Variants in SNX18 observed in about 807,000 individuals in gnomAD.
SNX18 encodes sorting nexin 18, also known as sorting nexin-18.
In SNX18, 35 loss-of-function variants were observed where a neutral mutation model predicts 48.7. The observed-to-expected ratio is 0.72, with a 90% CI of 0.55 to 0.95. The LOEUF (loss-of-function observed/expected upper bound fraction) is 0.95, where lower values mean the gene tolerates loss of function less well. Among genes scored for constraint, SNX18 ranks in the 40% least tolerant of loss-of-function variants. The probability of loss-of-function intolerance (pLI) is 0.00; values close to 1 mark genes in which losing one functional copy is unlikely to be tolerated. For missense variants in SNX18, 824 were observed against 871.0 expected (o/e 0.95, Z 0.68); for synonymous variants, 492 against 384.7 (o/e 1.28, Z -3.26).
the SNX18 span, among the ~76,000 whole-genome samples, chr5:54,608,020 T>C: frequency 1.1e-4 from 17 of 152,200 alleles, no homozygotes; most frequent in Non-Finnish European, 1.8e-4. Context: ...TTCCTTTCCC[T>C]GTGATTAAAT....
the SNX18 span, among the ~76,000 whole-genome samples, chr5:54,566,187 G>A: frequency 6.6e-6 from 1 of 152,060 alleles, no homozygotes; most frequent in Non-Finnish European, 1.5e-5. Context: ...TCTTTCACCA[G>A]GCTAATCTTC....
chr5:54,573,835 TGTAA>T, the SNX18 span, among the ~76,000 whole-genome samples: 1 of 152,210 alleles, frequency 6.6e-6, no homozygotes, highest in African/African-American at 2.4e-5. Flanking sequence ...TCAGTGCAGC[TGTAA>T]GTGACAGGCA....
the SNX18 span, among the ~76,000 whole-genome samples, chr5:54,619,435 A>G: frequency 1.3e-5 from 2 of 152,142 alleles, no homozygotes; most frequent in African/African-American, 4.8e-5. Context: ...TGCCTGAGCC[A>G]GGGGAGGTCG....
intron 1 of SNX18, among the ~76,000 whole-genome samples, chr5:54,539,740 C>T (rs1309096318): frequency 6.6e-6 from 1 of 152,084 alleles, no homozygotes; most frequent in Non-Finnish European, 1.5e-5. Context: ...TGGAGCCCAA[C>T]CTTTTGGGGA....
At chr5:54,554,331 C>A in the SNX18 span, among the ~76,000 whole-genome samples, 1 of 152,202 alleles carries the variant, frequency 6.6e-6, no homozygotes, top group South Asian at 2.1e-4. Flanking sequence ...CCCATTGAAT[C>A]AGAACGTGAA....
the SNX18 span, among the ~76,000 whole-genome samples, chr5:54,581,571 G>C: frequency 6.6e-6 from 1 of 152,112 alleles, no homozygotes; most frequent in Non-Finnish European, 1.5e-5. Context: ...GTCTACCCCT[G>C]CCTGCTCCCA....
At chr5:54,550,696 G>A (rs1762641125), downstream of SNX18, among the ~76,000 whole-genome samples, 1 of 152,122 alleles carries the variant, frequency 6.6e-6, no homozygotes, top group South Asian at 2.1e-4. Context: ...TGATTCTCAT[G>A]CCTTCAGCCT....
the SNX18 span, among the ~76,000 whole-genome samples, chr5:54,555,921 C>T: frequency 1.3e-5 from 2 of 151,938 alleles, no homozygotes; most frequent in African/African-American, 4.8e-5. Flanking sequence ...TGTTGTGTTA[C>T]ATTTGCTATA....
At chr5:54,647,460 G>C in the SNX18 span, among the ~76,000 whole-genome samples, 1 of 152,192 alleles carries the variant, frequency 6.6e-6, no homozygotes, top group African/African-American at 2.4e-5. Context: ...GGAGAGGAAA[G>C]AACAGAGCAT....
the SNX18 span, among the ~76,000 whole-genome samples, chr5:54,638,087 C>T: frequency 2.6e-5 from 4 of 152,156 alleles, no homozygotes; most frequent in African/African-American, 9.7e-5. Context: ...GTGCGGGCTC[C>T]CATCATTCCT....
the SNX18 span, among the ~76,000 whole-genome samples, chr5:54,639,972 TC>T: frequency 1.3e-5 from 2 of 152,186 alleles, no homozygotes; most frequent in African/African-American, 4.8e-5. Context: ...GAGATGGCAC[TC>T]CATTGTAAGG....
intron 1 of SNX18, among the ~76,000 whole-genome samples, chr5:54,542,119 T>G (rs996252833): frequency 4.6e-5 from 7 of 152,212 alleles, no homozygotes; most frequent in African/African-American, 1.7e-4. Flanking sequence ...ATCTGAATTC[T>G]TAAGCTGGCT....
At chr5:54,585,824 A>G in the SNX18 span, among the ~76,000 whole-genome samples, 241 of 152,110 alleles carry the variant, frequency 1.6e-3, 2 homozygotes, top group African/African-American at 5.5e-3. Context: ...TAACATGGTG[A>G]AACCCCGTCT....
the SNX18 span, among the ~76,000 whole-genome samples, chr5:54,596,548 G>A: frequency 6.6e-6 from 1 of 152,178 alleles, no homozygotes; most frequent in Non-Finnish European, 1.5e-5. Context: ...ATGAAGAAGT[G>A]AAGTTCATAC....
chr5:54,644,687 CCCTGGTGTGT>C, the SNX18 span: 1 of 152,206 alleles, frequency 6.6e-6, no homozygotes, highest in Non-Finnish European at 1.5e-5. Context: ...CAGCCATTTG[CCCTGGTGTGT>C]CCTCCTCTCT....
chr5:54,605,726 C>G, the SNX18 span, among the ~76,000 whole-genome samples: 1 of 152,132 alleles, frequency 6.6e-6, no homozygotes, highest in South Asian at 2.1e-4. Context: ...GTGGCACTAT[C>G]GCAGCTCACT....
the SNX18 span, among the ~76,000 whole-genome samples, chr5:54,605,628 A>T: frequency 6.6e-6 from 1 of 152,132 alleles, no homozygotes; most frequent in East Asian, 1.9e-4. Flanking sequence ...TCAACATAAA[A>T]ATTATTGAGA....
chr5:54,576,809 G>C, the SNX18 span, among the ~76,000 whole-genome samples: 3 of 151,952 alleles, frequency 2.0e-5, no homozygotes, highest in African/African-American at 7.3e-5. Context: ...TTGCTTGCTT[G>C]TTTGTCTTTT....
chr5:54,639,519 C>T, the SNX18 span, among the ~76,000 whole-genome samples: 1 of 152,142 alleles, frequency 6.6e-6, no homozygotes, highest in African/African-American at 2.4e-5. Flanking sequence ...TGATTATATG[C>T]CAAGTATAGT....
Sources: allele counts gnomAD v4.1 joint callset (sites outside exome capture counted in the v4.1 genomes callset), GRCh38; gene constraint gnomAD v4.1.1; transcripts MANE v1.5; gene names NCBI Gene and HGNC (gene_info 2026-07-23, HGNC 2026-07-21).